The following TTC28 variants were observed in gnomAD, a reference collection of about 807,000 sequenced individuals.
TTC28 encodes the protein tetratricopeptide repeat domain 28.
In TTC28, 61 loss-of-function variants were observed where a neutral mutation model predicts 198.0. That is an observed-to-expected ratio of 0.31 (90% CI 0.25 to 0.38). TTC28 has a LOEUF of 0.38. Ranked by LOEUF, TTC28 falls within the 10% of genes least tolerant of loss-of-function variation. The pLI, the probability that TTC28 is intolerant of heterozygous loss-of-function variation, is 1.00. For missense variants in TTC28, 2,678 were observed against 3,164.0 expected, an observed-to-expected ratio of 0.85 and a Z score of 3.69; for synonymous variants, 1,171 against 1,297.8, an observed-to-expected ratio of 0.90 and a Z score of 2.10.
At chr22:28,019,710 G>A (rs907942293) in intron 13 of TTC28, among the ~76,000 whole-genome samples, 1 of 152,258 alleles carries the variant, frequency 6.6e-6, no homozygotes, top group Non-Finnish European at 1.5e-5. Context: ...ACTTTAGAGT[G>A]TATATAGTAT....
chr22:28,648,358 G>A (rs1026817598), intron 1 of TTC28, among the ~76,000 whole-genome samples: 1 of 152,184 alleles, frequency 6.6e-6, no homozygotes, highest in African/African-American at 2.4e-5. Context: ...TGTTGACATG[G>A]ATATGGTGAA....
chr22:28,466,535 C>T (rs927273644), intron 2 of TTC28, among the ~76,000 whole-genome samples: 25 of 152,156 alleles, frequency 1.6e-4, no homozygotes, highest in African/African-American at 4.6e-4. Flanking sequence ...ACCAAGAATG[C>T]GAAATGTGAC....
chr22:28,076,322 G>T (rs1941166245), intron 12 of TTC28, among the ~76,000 whole-genome samples: 1 of 152,186 alleles, frequency 6.6e-6, no homozygotes, highest in African/African-American at 2.4e-5. Context: ...AGTGCATGGG[G>T]ACTGCTTTAA....
At chr22:28,255,345 T>C (rs1374881993) in intron 5 of TTC28, among the ~76,000 whole-genome samples, 1 of 152,086 alleles carries the variant, frequency 6.6e-6, no homozygotes, top group African/African-American at 2.4e-5. Context: ...CTTGGCCCAC[T>C]TGAGGGAGGA....
chr22:28,658,599 G>C (rs1466133873), intron 1 of TTC28, among the ~76,000 whole-genome samples: 1 of 152,184 alleles, frequency 6.6e-6, no homozygotes, highest in Non-Finnish European at 1.5e-5. Flanking sequence ...GAGTTATAGA[G>C]ATGGATAATG....
In TTC28 at chr22:28,255,405, G is replaced by A. The variant is rs373196227; in HGVS notation, c.933+40793C>T. Among the ~76,000 whole-genome samples, 15 of 152,232 alleles carry A rather than the reference G, an allele frequency of 9.9e-5. No individual in the cohort carries two copies. The East Asian group carries it at 2.1e-3, about 22-fold the overall frequency. On this transcript the variant is annotated intron_variant, in intron 5 of 22. Coordinates refer to ENST00000397906, the MANE Select transcript of TTC28 (RefSeq NM_001145418.2). ...CTTGTATTAAAAAGACAGGCAGCCC[G>A]GGCGCAGTGGCTCACACCTGTAATC...
intron 2 of TTC28, among the ~76,000 whole-genome samples, chr22:28,583,343 G>C (rs1039522397): frequency 6.6e-6 from 1 of 152,028 alleles, no homozygotes; most frequent in Non-Finnish European, 1.5e-5. Flanking sequence ...GTACAATATT[G>C]CTTTAAATAA....
At chr22:28,143,390 C>T (rs2146994645) in intron 6 of TTC28, among the ~76,000 whole-genome samples, 1 of 152,264 alleles carries the variant, frequency 6.6e-6, no homozygotes, top group African/African-American at 2.4e-5. Flanking sequence ...AACTGAAAAG[C>T]CAGATGGTCC....
intron 2 of TTC28, among the ~76,000 whole-genome samples, chr22:28,463,978 A>C (rs999346223): frequency 6.6e-6 from 1 of 152,124 alleles, no homozygotes; most frequent in Non-Finnish European, 1.5e-5. Context: ...AAGCCACCTT[A>C]AAGGGTCCTC....
intron 5 of TTC28, among the ~76,000 whole-genome samples, chr22:28,279,636 C>T (rs1289454381): frequency 1.3e-5 from 2 of 152,206 alleles, no homozygotes; most frequent in African/African-American, 4.8e-5. Context: ...TCCCAAAGTG[C>T]TGGGATTACA....
intron 6 of TTC28, among the ~76,000 whole-genome samples, chr22:28,161,394 G>A (rs1166261777): frequency 2.6e-5 from 4 of 152,090 alleles, no homozygotes; most frequent in Non-Finnish European, 5.9e-5. Flanking sequence ...AAAATTAGCT[G>A]GGCATGGTGG....
intron 12 of TTC28, among the ~76,000 whole-genome samples, chr22:28,082,325 T>C (rs1182090587): frequency 1.3e-5 from 2 of 152,236 alleles, no homozygotes; most frequent in Non-Finnish European, 2.9e-5. Flanking sequence ...CCTTGCCTTG[T>C]TCCTGGTCTT....
At chr22:28,306,444 G>C (rs982317842) in intron 3 of TTC28, 52 bp downstream of exon 3, 38 of 1,519,634 alleles carry the variant, frequency 2.5e-5, no homozygotes, top group Non-Finnish European at 3.2e-5. Context: ...TGGAAGGCTA[G>C]AAATGATCTT....
At chr22:28,477,606 A>T (rs1325229489) in intron 2 of TTC28, among the ~76,000 whole-genome samples, 1 of 152,194 alleles carries the variant, frequency 6.6e-6, no homozygotes, top group Non-Finnish European at 1.5e-5. Context: ...TGGAAAAGAA[A>T]ATCATTTACA....
chr22:28,499,200 A>G (rs1446500417), intron 2 of TTC28, among the ~76,000 whole-genome samples: 1 of 152,174 alleles, frequency 6.6e-6, no homozygotes, highest in Non-Finnish European at 1.5e-5. Flanking sequence ...TAATATATTT[A>G]TTCAATACAT....
At chr22:28,351,417 G>A (rs1027110859) in intron 2 of TTC28, among the ~76,000 whole-genome samples, 9 of 152,122 alleles carry the variant, frequency 5.9e-5, no homozygotes, top group African/African-American at 1.9e-4. Flanking sequence ...TGTTTCAGCC[G>A]TGGGCTCTCT....
intron 5 of TTC28, among the ~76,000 whole-genome samples, chr22:28,201,470 C>T (rs1235654153): frequency 1.3e-5 from 2 of 151,862 alleles, no homozygotes; most frequent in Non-Finnish European, 2.9e-5. Flanking sequence ...CCTGAAGAAT[C>T]AGTAAGAATT....
chr22:28,555,057 T>C (rs929687291), intron 2 of TTC28, among the ~76,000 whole-genome samples: 17 of 151,868 alleles, frequency 1.1e-4, no homozygotes, highest in Admixed American at 6.6e-5. Context: ...AATAGACAAT[T>C]CTCAAAAGAA....
intron 2 of TTC28, among the ~76,000 whole-genome samples, chr22:28,319,003 T>A (rs578255030): frequency 2.4e-4 from 37 of 151,764 alleles, no homozygotes; most frequent in Admixed American, 4.6e-4. Context: ...TTAAAAAAAA[T>A]TTTTTGTAGA....
Sources: allele counts gnomAD v4.1 joint callset (sites outside exome capture counted in the v4.1 genomes callset), GRCh38; gene constraint gnomAD v4.1.1; transcripts MANE v1.5; gene names NCBI Gene and HGNC (gene_info 2026-07-23, HGNC 2026-07-21).